CDH18: variants seen among roughly 807,000 people sequenced by gnomAD.
CDH18 encodes cadherin 18.
Under a neutral mutation model 67.9 loss-of-function variants are expected in CDH18, and 31 were observed. That is an observed-to-expected ratio of 0.46 (90% CI 0.34 to 0.62). The LOEUF is 0.62. Among genes scored for constraint, CDH18 ranks in the 20% least tolerant of loss-of-function variants. The probability of loss-of-function intolerance (pLI) is 0.01; values close to 1 mark genes in which losing one functional copy is unlikely to be tolerated. For missense variants in CDH18, 890 were observed against 975.5 expected, an observed-to-expected ratio of 0.91 and a Z score of 1.17; for synonymous variants, 362 against 347.2, an observed-to-expected ratio of 1.04 and a Z score of -0.48.
At chr5:20,501,315 AATAG>A (rs764903309) in intron 1 of CDH18, among the ~76,000 whole-genome samples, 5 of 150,902 alleles carry the variant, frequency 3.3e-5, no homozygotes, top group Non-Finnish European at 5.9e-5. Context: ...TACACTAACA[AATAG>A]ATACTGTTCT....
intron 2 of CDH18, among the ~76,000 whole-genome samples, chr5:20,065,735 A>G (rs111299280): frequency 5.9e-5 from 9 of 152,040 alleles, no homozygotes; most frequent in African/African-American, 2.2e-4. Context: ...AAGGTGAAAA[A>G]TAAAATATTT....
At chr5:19,905,621 T>C (rs1301205214) in intron 2 of CDH18, among the ~76,000 whole-genome samples, 2 of 151,992 alleles carry the variant, frequency 1.3e-5, no homozygotes, top group Non-Finnish European at 2.9e-5. Flanking sequence ...AAAAATATGA[T>C]GATAATATTA....
intron 5 of CDH18, among the ~76,000 whole-genome samples, chr5:19,655,986 C>CTTTTTTTTTT: frequency 9.6e-6 from 1 of 103,660 alleles, no homozygotes; most frequent in Non-Finnish European, 1.9e-5. Flanking sequence ...CTACTCACTT[C>CTTTTTTTTTT]TTTTTTTTTT....
chr5:19,745,720 G>A (rs930597398), intron 4 of CDH18, among the ~76,000 whole-genome samples: 2 of 152,002 alleles, frequency 1.3e-5, no homozygotes, highest in Non-Finnish European at 2.9e-5. Context: ...GTGTTCTGCT[G>A]GGGTCCAGAG....
At chr5:20,574,036 C>T (rs547957467) in intron 1 of CDH18, among the ~76,000 whole-genome samples, 2 of 150,152 alleles carry the variant, frequency 1.3e-5, no homozygotes, top group African/African-American at 4.9e-5. Flanking sequence ...TCTCTACTTC[C>T]TAAGACCAAC....
At chr5:20,053,262 T>C (rs938814053) in intron 2 of CDH18, among the ~76,000 whole-genome samples, 1 of 151,126 alleles carries the variant, frequency 6.6e-6, no homozygotes, top group Non-Finnish European at 1.5e-5. Flanking sequence ...AGTCCATATA[T>C]ACATATAGTA....
At chr5:20,333,993 G>A (rs1350206162) in intron 1 of CDH18, among the ~76,000 whole-genome samples, 6 of 151,942 alleles carry the variant, frequency 3.9e-5, no homozygotes, top group Admixed American at 6.6e-5. Flanking sequence ...ATAAACGTTT[G>A]GGGTCATGTT....
intron 1 of CDH18, among the ~76,000 whole-genome samples, chr5:20,329,090 A>G (rs552003729): frequency 2.0e-5 from 3 of 152,340 alleles, no homozygotes; most frequent in African/African-American, 7.2e-5. Context: ...GAACTGTTTT[A>G]ATATCCAACT....
At chr5:20,392,930 C>T (rs1027857622) in intron 1 of CDH18, among the ~76,000 whole-genome samples, 4 of 151,688 alleles carry the variant, frequency 2.6e-5, no homozygotes, top group Non-Finnish European at 5.9e-5. Flanking sequence ...AACATATACT[C>T]ACCATTGGAT....
chr5:20,185,336 C>T (rs1279113869), intron 2 of CDH18, among the ~76,000 whole-genome samples: 2 of 152,036 alleles, frequency 1.3e-5, no homozygotes, highest in African/African-American at 2.4e-5. Context: ...AGCCTTCCCC[C>T]TGGGCTCCCA....
intron 2 of CDH18, among the ~76,000 whole-genome samples, chr5:19,994,931 G>T (rs1735883541): frequency 6.8e-6 from 1 of 147,172 alleles, no homozygotes; most frequent in Non-Finnish European, 1.5e-5. Flanking sequence ...AGGCTAAGAG[G>T]TCCCATGATC....
intron 8 of CDH18, among the ~76,000 whole-genome samples, chr5:19,547,573 C>T (rs1309309980): frequency 6.6e-6 from 1 of 152,154 alleles, no homozygotes; most frequent in Non-Finnish European, 1.5e-5. Flanking sequence ...TCTTTTTTAG[C>T]CACTTCACAC....
At position 19,546,680 on chromosome 5, in the gene CDH18, T is replaced by C. The variant is rs772656943; in HGVS notation, c.1254-2675A>G. On this transcript the variant is annotated intron_variant, in intron 8 of 12. Transcript: ENST00000382275. Reference sequence around the variant, plus strand: ...TCATAGGCATAAGGTGTTAGAAGGGTATGCAGAGCATATTGCTAAGGTGTG... The same window carrying C: ...TCATAGGCATAAGGTGTTAGAAGGGCATGCAGAGCATATTGCTAAGGTGTG... 1.1e-4 allele frequency among the ~76,000 whole-genome samples: 17 copies of C among 152,254 alleles called. No individual in the cohort carries two copies. In the East Asian group the frequency reaches 2.9e-3, roughly 26 times the overall value.
intron 5 of CDH18, among the ~76,000 whole-genome samples, chr5:19,631,125 T>A (rs896499988): frequency 2.6e-5 from 4 of 151,790 alleles, no homozygotes; most frequent in African/African-American, 9.7e-5. Context: ...AGTTTAGGCA[T>A]CTTCCTCTGT....
At chr5:20,397,755 A>G (rs1360753634) in intron 1 of CDH18, among the ~76,000 whole-genome samples, 2 of 152,166 alleles carry the variant, frequency 1.3e-5, no homozygotes, top group African/African-American at 4.8e-5. Flanking sequence ...AAATGATATC[A>G]TTTCAACATG....
intron 8 of CDH18, among the ~76,000 whole-genome samples, chr5:19,558,175 T>C (rs545431602): frequency 5.3e-5 from 8 of 152,114 alleles, no homozygotes; most frequent in Admixed American, 5.2e-4. Context: ...CAGCATTAAA[T>C]GCCTACATCA....
intron 5 of CDH18, among the ~76,000 whole-genome samples, chr5:19,660,236 T>A (rs1448413097): frequency 1.3e-5 from 2 of 152,146 alleles, no homozygotes; most frequent in Non-Finnish European, 2.9e-5. Flanking sequence ...ATAAATATGT[T>A]GAATAGGCAA....
At chr5:20,216,287 C>T (rs942890962) in intron 2 of CDH18, among the ~76,000 whole-genome samples, 1 of 151,904 alleles carries the variant, frequency 6.6e-6, no homozygotes, top group Non-Finnish European at 1.5e-5. Context: ...CACCAAAAGA[C>T]TTGCCCAATG....
chr5:19,665,183 C>T (rs895748458), intron 5 of CDH18, among the ~76,000 whole-genome samples: 1 of 151,858 alleles, frequency 6.6e-6, no homozygotes, highest in Middle Eastern at 3.2e-3. Flanking sequence ...GTGTGAAATA[C>T]TACATTATAA....
Sources: allele counts gnomAD v4.1 joint callset (sites outside exome capture counted in the v4.1 genomes callset), GRCh38; gene constraint gnomAD v4.1.1; transcripts MANE v1.5; gene names NCBI Gene and HGNC (gene_info 2026-07-23, HGNC 2026-07-21).